Variants in CSMD3 observed in about 807,000 individuals in gnomAD.
CSMD3 encodes the protein CUB and Sushi multiple domains 3.
A neutral mutation model predicts 435.2 loss-of-function variants in CSMD3; 177 were observed. The ratio of observed to expected loss-of-function variants is 0.41; its 90% CI spans 0.36 to 0.46. The LOEUF is 0.46. Ranked by LOEUF, CSMD3 falls within the 20% of genes least tolerant of loss-of-function variation. CSMD3 has a pLI of 0.34. For synonymous variants in CSMD3, 1,656 were observed against 1,520.5 expected (o/e 1.09, Z -2.07); for missense variants, 4,265 against 4,504.6 (o/e 0.95, Z 1.52).
At chr8:113,403,166 G>A (rs186541321) in intron 1 of CSMD3, among the ~76,000 whole-genome samples, 2 of 151,232 alleles carry the variant, frequency 1.3e-5, no homozygotes, top group East Asian at 1.9e-4. Context: ...AGGATTCATC[G>A]TAGTTTTTTA....
chr8:112,827,888 G>C (rs1346986384), intron 12 of CSMD3, among the ~76,000 whole-genome samples: 2 of 152,110 alleles, frequency 1.3e-5, no homozygotes, highest in African/African-American at 4.8e-5. Flanking sequence ...TTTGCCACAT[G>C]ACTATGAAGA....
chr8:112,986,403 C>T (rs548748434), intron 6 of CSMD3, among the ~76,000 whole-genome samples: 1 of 152,096 alleles, frequency 6.6e-6, no homozygotes, highest in East Asian at 1.9e-4. Context: ...CCTGTGAAAA[C>T]TTTTGGAATG....
At chr8:112,856,889 GGTTCCAAGGAGTAATCTAAGA>G (rs2080676915) in intron 11 of CSMD3, among the ~76,000 whole-genome samples, 1 of 151,666 alleles carries the variant, frequency 6.6e-6, no homozygotes, top group African/African-American at 2.4e-5. Flanking sequence ...TTCTGAAAAG[GGTTCCAAGGAGTAATCTAAGA>G]AAGCAAATAC....
intron 9 of CSMD3, among the ~76,000 whole-genome samples, chr8:112,942,144 T>C (rs1185195120): frequency 6.6e-6 from 1 of 151,432 alleles, no homozygotes; most frequent in African/African-American, 2.4e-5. Context: ...AGTGTTTTTT[T>C]TTACTGTCTC....
chr8:113,237,527 T>C (rs1200789379), intron 3 of CSMD3, among the ~76,000 whole-genome samples: 2 of 152,174 alleles, frequency 1.3e-5, no homozygotes, highest in Non-Finnish European at 2.9e-5. Flanking sequence ...TAATGGCGGA[T>C]GTATTGCCAT....
At chr8:113,255,905 T>A (rs984064986) in intron 3 of CSMD3, among the ~76,000 whole-genome samples, 1 of 152,044 alleles carries the variant, frequency 6.6e-6, no homozygotes, top group Non-Finnish European at 1.5e-5. Flanking sequence ...TATTTTACAG[T>A]GTCAATAACA....
At position 113,390,972 on chromosome 8, in the gene CSMD3, A is replaced by G. The variant is rs561264109; in HGVS notation, c.178+45705T>C. On this transcript the variant is annotated intron_variant, in intron 1 of 70. Transcript: ENST00000297405. ...AACCTCATATTTGGAGAGGCAGAAG[A>G]AAGATGCTTCATGTTGTCAACAGCA... Among the ~76,000 whole-genome samples the G allele has an allele frequency of 2.0e-5, 3 of 152,128 alleles. No individual in the cohort carries two copies. In the South Asian group the frequency reaches 6.2e-4, roughly 31 times the overall value.
chr8:113,299,787 G>C (rs2093750261), intron 2 of CSMD3, among the ~76,000 whole-genome samples: 1 of 152,054 alleles, frequency 6.6e-6, no homozygotes, highest in Admixed American at 6.6e-5. Context: ...TTGAGGCCAG[G>C]AGTTCAAGAC....
intron 13 of CSMD3, among the ~76,000 whole-genome samples, chr8:112,718,373 G>A (rs1489580658): frequency 2.0e-5 from 3 of 151,936 alleles, no homozygotes; most frequent in Non-Finnish European, 4.4e-5. Context: ...GACAAAGGCT[G>A]GCTTTCAAGC....
chr8:112,843,308 A>G (rs2080231756), intron 11 of CSMD3, among the ~76,000 whole-genome samples: 2 of 151,864 alleles, frequency 1.3e-5, no homozygotes, highest in African/African-American at 4.8e-5. Context: ...AGATGCTCAT[A>G]AAAGAGGCAG....
intron 5 of CSMD3, among the ~76,000 whole-genome samples, chr8:113,082,546 C>T (rs2089606629): frequency 1.3e-5 from 2 of 151,672 alleles, no homozygotes; most frequent in Admixed American, 1.3e-4. Context: ...ACCAGGTACA[C>T]AGATATCAAT....
intron 1 of CSMD3, among the ~76,000 whole-genome samples, chr8:113,405,625 A>G (rs1281528700): frequency 6.6e-6 from 1 of 151,740 alleles, no homozygotes; most frequent in Non-Finnish European, 1.5e-5. Flanking sequence ...GGAAGAAAGT[A>G]ATTTCAAGAG....
intron 35 of CSMD3, among the ~76,000 whole-genome samples, chr8:112,396,650 A>G (rs949922332): frequency 1.3e-5 from 2 of 152,188 alleles, no homozygotes; most frequent in Non-Finnish European, 2.9e-5. Flanking sequence ...ATTTACTAAA[A>G]TCCACTCACT....
intron 40 of CSMD3, among the ~76,000 whole-genome samples, chr8:112,350,917 T>C (rs987793653): frequency 1.3e-5 from 2 of 151,994 alleles, no homozygotes; most frequent in African/African-American, 4.8e-5. Flanking sequence ...TTTTCTTAAT[T>C]TCTACAGCTT....
rs989951043 is a variant in CSMD3 at position 112,288,598 on chromosome 8, T to G, written c.9148+767A>C. Among the ~76,000 whole-genome samples the G allele has an allele frequency of 4.0e-5, 6 of 151,722 alleles. No individual in the cohort carries two copies. In the South Asian group the frequency reaches 1.2e-3, roughly 32 times the overall value. ...TAGTGTAAAGACAATGGACAATATA[T>G]AAATATAAAGAAAAAGCAGAAAAAT... On this transcript the variant is annotated intron_variant, in intron 57 of 70. Transcript: ENST00000297405.
At chr8:112,784,675 T>C (rs1022220428) in intron 13 of CSMD3, among the ~76,000 whole-genome samples, 5 of 151,772 alleles carry the variant, frequency 3.3e-5, no homozygotes, top group Non-Finnish European at 5.9e-5. Context: ...AAGAAATGAA[T>C]CAATTACTAG....
intron 6 of CSMD3, among the ~76,000 whole-genome samples, chr8:113,011,822 A>G (rs1587882344): frequency 2.0e-5 from 3 of 151,802 alleles, no homozygotes. Context: ...AGACAGACCA[A>G]TGATTATTTA....
chr8:112,975,221 C>G (rs1421774114), intron 7 of CSMD3, among the ~76,000 whole-genome samples: 2 of 151,868 alleles, frequency 1.3e-5, no homozygotes, highest in African/African-American at 2.4e-5. Flanking sequence ...TTAAAGAATA[C>G]TTAAATTTTG....
At chr8:113,321,388 A>G (rs1253643482) in intron 1 of CSMD3, among the ~76,000 whole-genome samples, 1 of 152,096 alleles carries the variant, frequency 6.6e-6, no homozygotes, top group Non-Finnish European at 1.5e-5. Flanking sequence ...TTTGAAGTTT[A>G]CTAACAACTT....
Sources: allele counts gnomAD v4.1 joint callset (sites outside exome capture counted in the v4.1 genomes callset), GRCh38; gene constraint gnomAD v4.1.1; transcripts MANE v1.5; gene names NCBI Gene and HGNC (gene_info 2026-07-23, HGNC 2026-07-21).